The following POR variants were observed in gnomAD, a reference collection of about 807,000 sequenced individuals.
POR encodes cytochrome p450 oxidoreductase.
POR carries 56 observed loss-of-function variants against 84.0 expected under a neutral mutation model. The observed-to-expected ratio is 0.67, with a 90% CI of 0.54 to 0.83. The LOEUF is 0.83. Ranked by LOEUF, POR falls within the 40% of genes least tolerant of loss-of-function variation. POR has a pLI of 0.00. For synonymous variants in POR, 414 were observed against 400.5 expected (o/e 1.03, Z -0.40); for missense variants, 938 against 944.3 (o/e 0.99, Z 0.09).
intron 2 of POR, among the ~76,000 whole-genome samples, chr7:75,963,649 G>T (rs1462275435): frequency 2.6e-5 from 4 of 152,202 alleles, no homozygotes; most frequent in African/African-American, 9.6e-5. Flanking sequence ...CAGAGGAGGG[G>T]TATCCCCCAT....
intron 6 of POR, among the ~76,000 whole-genome samples, 170 bp from the exon 7 acceptor site, chr7:75,981,347 G>C (rs1170607894): frequency 6.6e-6 from 1 of 152,198 alleles, no homozygotes; most frequent in Non-Finnish European, 1.5e-5. Context: ...TTTTCGGCTT[G>C]CCCAACTCCC....
intron 2 of POR, among the ~76,000 whole-genome samples, chr7:75,970,095 C>T (rs1243726100): frequency 6.6e-6 from 1 of 152,044 alleles, no homozygotes; most frequent in African/African-American, 2.4e-5. Context: ...AGTAGCTTAG[C>T]GTAGCCCAGA....
intron 1 of POR, chr7:75,922,997 C>A: frequency 1.5e-6 from 1 of 672,908 alleles, no homozygotes; most frequent in South Asian, 1.6e-5. Context: ...TTGGAATCGC[C>A]AGATAAACAT....
chr7:75,946,309 C>T (rs1454292845), intron 1 of POR, among the ~76,000 whole-genome samples: 8 of 151,968 alleles, frequency 5.3e-5, no homozygotes, highest in African/African-American at 1.9e-4. Context: ...TTTCTTGAGA[C>T]AGGACCTCAC....
chr7:75,976,578 T>C (rs1486326500), intron 3 of POR, among the ~76,000 whole-genome samples: 2 of 151,658 alleles, frequency 1.3e-5, no homozygotes, highest in African/African-American at 2.4e-5. Flanking sequence ...AAACCCTGTC[T>C]CTACTAAAAA....
chr7:75,942,953 CT>C lies in POR; in HGVS notation c.-4-11023del, dbSNP rs1236331124. On this transcript the variant is annotated intron_variant, in intron 1 of 15. Transcript: ENST00000461988. ...GGGCAGTTCTTTCTTTTTTCTTTTT[CT>C]TTTTTTTTTTTTATTGAGATGGAGT... Among the ~76,000 whole-genome samples the C allele has an allele frequency of 2.5e-3, 350 of 140,716 alleles. 1 individual carries two copies. Among genetic ancestry groups the C allele is most frequent in the Non-Finnish European group, 3.2e-3 (204 of 64,404 alleles). The allele number at this position is 140,716 out of a possible 152,430, so 92.3% of individuals were successfully genotyped here.
chr7:75,964,272 T>A (rs954423474), intron 2 of POR, among the ~76,000 whole-genome samples: 2 of 152,126 alleles, frequency 1.3e-5, no homozygotes, highest in African/African-American at 4.8e-5. Flanking sequence ...AGTGTTGGGA[T>A]TACAGGCGTG....
At chr7:75,925,900 T>C (rs944639817) in intron 1 of POR, among the ~76,000 whole-genome samples, 2 of 152,066 alleles carry the variant, frequency 1.3e-5, no homozygotes, top group Non-Finnish European at 2.9e-5. Flanking sequence ...GAGTGAAGCT[T>C]GAGAATCTGG....
At chr7:75,920,885 C>T (rs1279590458) in intron 1 of POR, among the ~76,000 whole-genome samples, 1 of 152,058 alleles carries the variant, frequency 6.6e-6, no homozygotes, top group African/African-American at 2.4e-5. Flanking sequence ...CCAGTGGTGC[C>T]CGGCATCATT....
At chr7:75,926,768 A>AT (rs1554549569) in intron 1 of POR, among the ~76,000 whole-genome samples, 2 of 152,142 alleles carry the variant, frequency 1.3e-5, no homozygotes, top group Non-Finnish European at 2.9e-5. Flanking sequence ...CATTCCATCC[A>AT]GCCTGGGCAA....
intron 1 of POR, chr7:75,923,067 A>T (rs1554549040): frequency 1.5e-6 from 1 of 687,886 alleles, no homozygotes; most frequent in Non-Finnish European, 2.6e-6. Flanking sequence ...TGGTGCGGAG[A>T]GCCATTGCAA....
chr7:75,962,493 C>G (rs574002850), intron 2 of POR, among the ~76,000 whole-genome samples: 1 of 152,260 alleles, frequency 6.6e-6, no homozygotes, highest in Non-Finnish European at 1.5e-5. Flanking sequence ...GAGACAAAGT[C>G]TCACTATGTT....
chr7:75,977,292 C>G (rs1554556991), intron 3 of POR, among the ~76,000 whole-genome samples: 1 of 152,200 alleles, frequency 6.6e-6, no homozygotes, highest in Non-Finnish European at 1.5e-5. Context: ...AGGTTGGTCT[C>G]TAAGATATCA....
intron 1 of POR, among the ~76,000 whole-genome samples, chr7:75,943,037 C>T (rs1787008925): frequency 6.6e-6 from 1 of 151,638 alleles, no homozygotes; most frequent in South Asian, 2.1e-4. Context: ...TTACAACCTC[C>T]ACCTCCCAGG....
intron 5 of POR, 57 bp from the exon 6 acceptor site, chr7:75,980,991 C>G: frequency 6.7e-7 from 1 of 1,498,396 alleles, no homozygotes; most frequent in Non-Finnish European, 8.9e-7. Flanking sequence ...CCCCCATGGC[C>G]CCTCCCACTG....
intron 5 of POR, 167 bp downstream of exon 5, chr7:75,980,655 C>G: frequency 6.5e-7 from 1 of 1,545,352 alleles, no homozygotes; most frequent in Non-Finnish European, 8.7e-7. Context: ...CCCAGCACTA[C>G]GAGAATGTCC....
chr7:75,924,083 A>C (rs1807002132), intron 1 of POR, among the ~76,000 whole-genome samples: 1 of 151,904 alleles, frequency 6.6e-6, no homozygotes, highest in South Asian at 2.1e-4. Context: ...TGAATGAGTA[A>C]CTCTAGCATT....
Position 75,985,572 on chromosome 7 carries a change from C to A in POR, c.1399-7C>A. 1 of 1,528,370 alleles carries A rather than the reference C, an allele frequency of 6.5e-7. No individual in the cohort carries two copies. Among genetic ancestry groups the A allele is most frequent in the South Asian group, 1.3e-5 (1 of 77,734 alleles). 94.7% of individuals were successfully genotyped at this position (1,528,370 alleles called of 1,614,324 possible). A position where few individuals can be genotyped will look rare whatever the true frequency, so the allele number is the denominator to read the frequency against. On this transcript the variant is annotated splice_region_variant and splice_polypyrimidine_tract_variant and intron_variant, in intron 12 of 15. Transcript: ENST00000461988. ...TGGCGGTGGAGCTCACACGGCCCTC[C>A]CCACAGGTCCACCCCAACTCTGTGC...
chr7:75,968,101 C>T lies in POR; in HGVS notation c.189-4312C>T, dbSNP rs1404552964. The T allele has an allele frequency of 8.8e-6, 4 of 455,534 alleles. No individual in the cohort carries two copies. The Admixed American group carries it at 9.4e-5, about 11-fold the overall frequency. 28.2% of individuals were successfully genotyped at this position (455,534 alleles called of 1,614,324 possible). On this transcript the variant is annotated intron_variant, in intron 2 of 15. Transcript: ENST00000461988. ...GAAGCCATGGGGTGCACGTACTCGT[C>T]TCCACCTGAGGAGCCCGCTCTGAGA...
Sources: gnomAD v4.1 joint callset for allele counts (sites outside exome capture counted in the v4.1 genomes callset) on GRCh38, gnomAD v4.1.1 for gene constraint, MANE v1.5 for transcripts, NCBI Gene and HGNC (gene_info 2026-07-23, HGNC 2026-07-21) for gene names.